TBC1D12: variants seen among roughly 807,000 people sequenced by gnomAD.
TBC1D12 encodes TBC1 domain family, member 12.
A neutral mutation model predicts 86.7 loss-of-function variants in TBC1D12; 56 were observed. The observed-to-expected ratio is 0.65, with a 90% CI of 0.52 to 0.81. TBC1D12 has a LOEUF of 0.81. Ranked by LOEUF, TBC1D12 falls within the 30% of genes least tolerant of loss-of-function variation. TBC1D12 has a pLI of 0.00. For missense variants in TBC1D12, 1,023 were observed against 1,038.8 expected (o/e 0.98, Z 0.21); for synonymous variants, 421 against 411.7 (o/e 1.02, Z -0.27).
At chr10:94,522,237 A>G (rs895195713) in intron 10 of TBC1D12, 107 bp from the exon 11 acceptor site, 5 of 1,165,246 alleles carry the variant, frequency 4.3e-6, no homozygotes, top group Non-Finnish European at 5.9e-6. Flanking sequence ...GACTCAGAAA[A>G]AGATGAGATT....
rs561745692 is a variant in TBC1D12 at position 94,488,477 on chromosome 10, G to A, written c.1212-4888G>A. Among the ~76,000 whole-genome samples the A allele has an allele frequency of 2.3e-4, 30 of 127,712 alleles. No individual in the cohort carries two copies. The East Asian group carries it at 6.7e-3, about 29-fold the overall frequency. The allele number at this position is 127,712 out of a possible 152,430, so 83.8% of individuals were successfully genotyped here. On this transcript the variant is annotated intron_variant, in intron 3 of 12. Coordinates refer to ENST00000225235, the MANE Select transcript of TBC1D12 (RefSeq NM_015188.2). ...GCGATCTTGGCTCACTGCAACCTCCGCCTCCTGGGTTCAAGCAATTCTCCT... is the reference window on the plus strand; with the variant it reads ...GCGATCTTGGCTCACTGCAACCTCCACCTCCTGGGTTCAAGCAATTCTCCT...
intron 2 of TBC1D12, among the ~76,000 whole-genome samples, chr10:94,470,191 C>A (rs1487371970): frequency 2.6e-5 from 4 of 152,080 alleles, no homozygotes; most frequent in Non-Finnish European, 2.9e-5. Context: ...CTGTGAACCT[C>A]TTGGTCAAAC....
At chr10:94,504,400 T>G (rs762349580) in intron 6 of TBC1D12, among the ~76,000 whole-genome samples, 5 of 152,232 alleles carry the variant, frequency 3.3e-5, no homozygotes, top group Non-Finnish European at 5.9e-5. Context: ...CAACATAATT[T>G]TCGATTTTCT....
At chr10:94,404,315 A>C (rs1007937133) in intron 1 of TBC1D12, among the ~76,000 whole-genome samples, 14 of 152,118 alleles carry the variant, frequency 9.2e-5, no homozygotes, top group African/African-American at 2.7e-4. Context: ...TTTTTAAAAA[A>C]TGGTATTGTA....
intron 3 of TBC1D12, among the ~76,000 whole-genome samples, chr10:94,485,052 T>C (rs775448870): frequency 1.3e-5 from 2 of 152,214 alleles, no homozygotes; most frequent in Non-Finnish European, 2.9e-5. Context: ...CAAGGATAAT[T>C]TGATTTCTTC....
At chr10:94,485,005 T>C (rs2056138678) in intron 3 of TBC1D12, among the ~76,000 whole-genome samples, 2 of 152,164 alleles carry the variant, frequency 1.3e-5, no homozygotes, top group South Asian at 4.1e-4. Context: ...TTTGGCAGAG[T>C]CTTTGGACTT....
intron 1 of TBC1D12, among the ~76,000 whole-genome samples, chr10:94,415,362 A>G (rs2054985171): frequency 6.6e-6 from 1 of 152,144 alleles, no homozygotes; most frequent in Non-Finnish European, 1.5e-5. Flanking sequence ...GAGATTGGTA[A>G]TCCTTGAATG....
chr10:94,527,179 A>G (rs571590522), intron 11 of TBC1D12, among the ~76,000 whole-genome samples: 74 of 151,420 alleles, frequency 4.9e-4, no homozygotes, highest in African/African-American at 1.8e-3. Context: ...TGCAACCTCC[A>G]CCTTCACGGT....
chr10:94,415,461 C>T (rs981569375), intron 1 of TBC1D12, among the ~76,000 whole-genome samples: 3 of 152,104 alleles, frequency 2.0e-5, no homozygotes, highest in African/African-American at 4.8e-5. Flanking sequence ...TAGCCAGGCC[C>T]GGTGGCTCAT....
chr10:94,433,731 G>A (rs1159350712), intron 1 of TBC1D12, among the ~76,000 whole-genome samples: 1 of 152,156 alleles, frequency 6.6e-6, no homozygotes, highest in Non-Finnish European at 1.5e-5. Flanking sequence ...CTGCTGCTAT[G>A]TCTGTTTTCT....
chr10:94,473,507 A>G (rs574622089), intron 2 of TBC1D12, among the ~76,000 whole-genome samples: 1 of 152,230 alleles, frequency 6.6e-6, no homozygotes, highest in Non-Finnish European at 1.5e-5. Context: ...TATTAAAAGA[A>G]TTACAGGCAA....
rs201580193 is a variant in TBC1D12, at chr10:94,493,328, T to A, written c.1212-37T>A. On this transcript the variant is annotated intron_variant, in intron 3 of 12. Coordinates refer to ENST00000225235, the MANE Select transcript of TBC1D12 (RefSeq NM_015188.2). The stretch of plus-strand genomic sequence containing the variant: ...GTTAGTAAGTTGAAAGTTAATCTTT[T>A]AAAAATTGTCTTGACTTAAGTAATT... 1.6e-4 allele frequency: 243 copies of A among 1,514,232 alleles called. 2 individuals carry two copies. The East Asian group carries it at 5.4e-3, about 33-fold the overall frequency. 93.8% of individuals were successfully genotyped at this position (1,514,232 alleles called of 1,614,324 possible). A position where few individuals can be genotyped will look rare whatever the true frequency, so the allele number is the denominator to read the frequency against.
intron 2 of TBC1D12, among the ~76,000 whole-genome samples, chr10:94,471,643 G>A (rs1245550841): frequency 4.6e-5 from 7 of 151,934 alleles, no homozygotes; most frequent in Non-Finnish European, 1.0e-4. Context: ...CTCCAGTTCC[G>A]ATCCCACCTC....
In TBC1D12 at chr10:94,535,749, C is replaced by A. The variant is rs2134245376; in HGVS notation, c.*2653C>A. On this transcript the variant is annotated 3_prime_UTR_variant, in exon 13 of 13. Coordinates refer to ENST00000225235, the MANE Select transcript of TBC1D12 (RefSeq NM_015188.2). ...TACTACCTGACTAAATTTAATCATA[C>A]TTTCATGTATTTGTTTCCTCAGTTG... 1 of 152,258 alleles carries A rather than the reference C, an allele frequency of 6.6e-6. No homozygotes were observed. Among genetic ancestry groups the A allele is most frequent in the East Asian group, 1.9e-4 (1 of 5,186 alleles). The allele number at this position is 152,258 out of a possible 1,614,324, so 9.4% of individuals were successfully genotyped here. A position where few individuals can be genotyped will look rare whatever the true frequency, so the allele number is the denominator to read the frequency against.
intron 1 of TBC1D12, among the ~76,000 whole-genome samples, chr10:94,407,305 A>C (rs1351562934): frequency 1.3e-5 from 2 of 152,190 alleles, no homozygotes. Flanking sequence ...TCACATGGAC[A>C]CCTTTCTGTG....
chr10:94,497,878 A>G (rs1255807666), intron 5 of TBC1D12, among the ~76,000 whole-genome samples: 1 of 143,552 alleles, frequency 7.0e-6, no homozygotes, highest in Non-Finnish European at 1.5e-5. Flanking sequence ...GCTAGAGTGC[A>G]GTGGCACAAT....
intron 1 of TBC1D12, 70 bp from the exon 2 acceptor site, chr10:94,441,826 T>C (rs1322290134): frequency 4.6e-6 from 7 of 1,508,244 alleles, no homozygotes; most frequent in African/African-American, 1.4e-5. Flanking sequence ...AACAAACTTA[T>C]TATAAAATTA....
chr10:94,402,645 C>A lies in TBC1D12; in HGVS notation c.32C>A (p.Ser11Ter). Reference protein sequence around the residue: MVGPEDAGACSGRNPKLLPVP... With the variant: MVGPEDAGAC ...GGTCCGGAGGATGCCGGAGCCTGCTCGGGAAGAAACCCCAAGTTGCTCCCG... is the reference window on the plus strand; with the variant it reads ...GGTCCGGAGGATGCCGGAGCCTGCTAGGGAAGAAACCCCAAGTTGCTCCCG... The change falls in exon 1 of 13, where the codon TCG (serine) becomes TAG (stop). Residue 11 changes from serine to a stop codon, truncating the protein, a stop_gained. Coordinates refer to ENST00000225235, the MANE Select transcript of TBC1D12 (RefSeq NM_015188.2). LOFTEE classifies it high-confidence loss of function. 6.2e-7 allele frequency: 1 copy of A among 1,611,684 alleles called. No individual in the cohort carries two copies. Among genetic ancestry groups the A allele is most frequent in the South Asian group, 1.1e-5 (1 of 90,914 alleles).
Position 94,532,955 on chromosome 10 carries a change from C to A in TBC1D12, c.2260-73C>A, listed in dbSNP as rs1842468442. 5 of 839,126 alleles carry A rather than the reference C, an allele frequency of 6.0e-6. No individual in the cohort carries two copies. The East Asian group carries it at 1.1e-4, about 19-fold the overall frequency. 52.0% of individuals were successfully genotyped at this position (839,126 alleles called of 1,614,324 possible). A position where few individuals can be genotyped will look rare whatever the true frequency, so the allele number is the denominator to read the frequency against. ...AATAAAGCTTTTTCATGTTTATGAA[C>A]TATAGTTATTTAAATCTCTTTAATC... On this transcript the variant is annotated intron_variant, in intron 12 of 12. Coordinates refer to ENST00000225235, the MANE Select transcript of TBC1D12 (RefSeq NM_015188.2).
Sources: gnomAD v4.1 joint callset for allele counts (sites outside exome capture counted in the v4.1 genomes callset) on GRCh38, gnomAD v4.1.1 for gene constraint, MANE v1.5 for transcripts, NCBI Gene and HGNC (gene_info 2026-07-23, HGNC 2026-07-21) for gene names.